Variants in SETD2 observed in about 807,000 individuals in gnomAD.
SETD2 encodes SET domain containing 2, histone lysine methyltransferase, also known as histone-lysine N-methyltransferase SETD2.
In SETD2, 31 loss-of-function variants were observed where a neutral mutation model predicts 242.1. The observed-to-expected ratio is 0.13, with a 90% CI of 0.10 to 0.17. The LOEUF is 0.17. SETD2 is among the 10% of genes least tolerant of loss of function. SETD2 has a pLI of 1.00. For synonymous variants in SETD2, 1,006 were observed against 1,066.5 expected, an observed-to-expected ratio of 0.94 and a Z score of 1.11; for missense variants, 2,481 against 3,046.3, an observed-to-expected ratio of 0.81 and a Z score of 4.37.
chr3:47,042,048 A>C (rs2039304040), intron 17 of SETD2, among the ~76,000 whole-genome samples: 1 of 152,202 alleles, frequency 6.6e-6, no homozygotes, highest in African/African-American at 2.4e-5. Flanking sequence ...GCTTTCTCCA[A>C]GAGTCTTGCA....
intron 8 of SETD2, among the ~76,000 whole-genome samples, chr3:47,101,122 A>G (rs556163531): frequency 2.4e-4 from 36 of 152,176 alleles, no homozygotes; most frequent in African/African-American, 7.9e-4. Flanking sequence ...TTAATGCTGA[A>G]TAACGGATAC....
intron 17 of SETD2, chr3:47,041,466 CAAAG>C (rs1056865760): frequency 1.2e-5 from 3 of 257,528 alleles, no homozygotes; most frequent in Admixed American, 5.4e-5. Flanking sequence ...GTCTGGGCAA[CAAAG>C]AAAGACTCTG....
chr3:47,034,834 C>T (rs2038929969), intron 18 of SETD2, among the ~76,000 whole-genome samples: 1 of 152,144 alleles, frequency 6.6e-6, no homozygotes, highest in Non-Finnish European at 1.5e-5. Context: ...GGCATTTGTG[C>T]TGAATAGGAA....
chr3:47,065,208 T>A (rs2040509553), intron 13 of SETD2, among the ~76,000 whole-genome samples: 1 of 152,128 alleles, frequency 6.6e-6, no homozygotes, highest in Non-Finnish European at 1.5e-5. Context: ...TAGGAAGAGT[T>A]ATTTGCAGCC....
intron 12 of SETD2, among the ~76,000 whole-genome samples, chr3:47,081,502 C>G (rs766973065): frequency 6.6e-6 from 1 of 152,192 alleles, no homozygotes; most frequent in Non-Finnish European, 1.5e-5. Context: ...TACTCGAACA[C>G]ATAGGTGGAA....
At chr3:47,141,866 ATT>A (rs558856503) in intron 1 of SETD2, among the ~76,000 whole-genome samples, 1 of 151,278 alleles carries the variant, frequency 6.6e-6, no homozygotes, top group East Asian at 1.9e-4. Context: ...GAGTTTAAGC[ATT>A]TTTTTTTCAT....
chr3:47,142,870 T>C (rs1211473913), intron 1 of SETD2, among the ~76,000 whole-genome samples: 1 of 152,178 alleles, frequency 6.6e-6, no homozygotes, highest in African/African-American at 2.4e-5. Flanking sequence ...GGTTTCACCA[T>C]GTTGGCCAGG....
At chr3:47,159,790 G>A (rs1697434326) in intron 1 of SETD2, among the ~76,000 whole-genome samples, 1 of 152,012 alleles carries the variant, frequency 6.6e-6, no homozygotes, top group Non-Finnish European at 1.5e-5. Context: ...GCGTGGCCAA[G>A]AAGGTGAAAC....
At chr3:47,029,724 T>C (rs1034773276) in intron 18 of SETD2, among the ~76,000 whole-genome samples, 1 of 152,192 alleles carries the variant, frequency 6.6e-6, no homozygotes, top group East Asian at 1.9e-4. Context: ...TGCTTAAGTA[T>C]GAGATACTTG....
chr3:47,085,703 A>G (rs567405338), intron 11 of SETD2, among the ~76,000 whole-genome samples: 59 of 152,350 alleles, frequency 3.9e-4, no homozygotes, highest in African/African-American at 1.3e-3. Flanking sequence ...ATTTCATAGA[A>G]AGGTAAAGAC....
intron 18 of SETD2, among the ~76,000 whole-genome samples, chr3:47,035,143 T>G (rs150181057): frequency 2.0e-4 from 30 of 152,312 alleles, no homozygotes; most frequent in African/African-American, 7.2e-4. Context: ...CTGCCAATTA[T>G]TTAGACTTGA....
rs551946540 is a variant in SETD2 at position 47,142,054 on chromosome 3, A to G, written c.72-15391T>C. 2.7e-4 allele frequency among the ~76,000 whole-genome samples: 41 copies of G among 152,310 alleles called. No homozygotes were observed. The South Asian group carries it at 7.9e-3, about 29-fold the overall frequency. On this transcript the variant is annotated intron_variant, in intron 1 of 20. Transcript: ENST00000409792. ...ATTACAATGCACTGAATGCACCACTATCCATCATTTCATACAGAAAAAGGT... is the reference window on the plus strand; with the variant it reads ...ATTACAATGCACTGAATGCACCACTGTCCATCATTTCATACAGAAAAAGGT...
intron 17 of SETD2, 144 bp downstream of exon 17, chr3:47,042,417 G>A: frequency 1.4e-6 from 1 of 717,606 alleles, no homozygotes; most frequent in Non-Finnish European, 2.4e-6. Context: ...ATACACTTAA[G>A]ATGTGATTCT....
chr3:47,069,685 GA>G (rs2040730969), intron 12 of SETD2, among the ~76,000 whole-genome samples: 1 of 152,168 alleles, frequency 6.6e-6, no homozygotes, highest in Non-Finnish European at 1.5e-5. Flanking sequence ...TGCCTTTAGA[GA>G]GGGGGTACAT....
chr3:47,149,356 C>T (rs977404107), intron 1 of SETD2, among the ~76,000 whole-genome samples: 16 of 151,794 alleles, frequency 1.1e-4, no homozygotes, highest in African/African-American at 3.9e-4. Context: ...TTTAAAATCA[C>T]ACTCATGGCA....
In SETD2 at chr3:47,057,072, A is replaced by C. The variant is rs758375586; in HGVS notation, c.6712T>G (p.Ser2238Ala). The change falls in exon 15 of 21, where the codon TCC becomes GCC. Residue 2238 changes from serine to alanine, a missense_variant. Transcript: ENST00000409792. ...HVAAPVEVSSSQYVAQSDGVV... is the reference protein window; with the variant it reads ...HVAAPVEVSSAQYVAQSDGVV... The stretch of plus-strand genomic sequence containing the variant: ...CCATCACTCTGGGCCACATACTGGG[A>C]ACTGGAAACTTCCACAGGAGCTGCC... 1.9e-6 allele frequency: 3 copies of C among 1,614,132 alleles called. No individual in the cohort carries two copies. The highest frequency in any genetic ancestry group is 2.5e-6 in the Non-Finnish European group (3 of 1,180,048).
intron 6 of SETD2, among the ~76,000 whole-genome samples, chr3:47,104,144 T>C (rs111540319): frequency 6.5e-4 from 99 of 151,832 alleles, no homozygotes; most frequent in Non-Finnish European, 1.1e-3. Context: ...GAGGCAGATA[T>C]ATGAGAATTG....
chr3:47,122,086 T>G lies in SETD2; in HGVS notation c.2550A>C (p.Glu850Asp), dbSNP rs1350898375. ...TGCTACCGATGCTCTGCTTATATTC[T>G]TCACATGCAAATTTTGAGTGATCTG... ...NLTDHSKFACEEYKQSIGSTS... is the reference protein window; with the variant it reads ...NLTDHSKFACDEYKQSIGSTS... The change falls in exon 3 of 21, where the codon GAA (glutamate) becomes GAC (aspartate). Residue 850 changes from glutamate (E) to aspartate (D), a missense_variant. Physicochemically the swap from Glu to Asp is conservative, Grantham distance 45. This residue lies in a region of SETD2 where 1,300 missense variants were observed against 1,259.2 expected (regional missense o/e 1.03). Coordinates refer to ENST00000409792, the MANE Select transcript of SETD2 (RefSeq NM_014159.7). The G allele has an allele frequency of 6.2e-7, 1 of 1,613,984 alleles. No individual in the cohort carries two copies.
intron 13 of SETD2, among the ~76,000 whole-genome samples, chr3:47,062,907 C>T (rs1180721190): frequency 2.6e-5 from 4 of 152,074 alleles, no homozygotes; most frequent in Non-Finnish European, 4.4e-5. Flanking sequence ...TGCACCACTG[C>T]AGTCCAGCCT....
Sources: allele counts gnomAD v4.1 joint callset (sites outside exome capture counted in the v4.1 genomes callset), GRCh38; gene constraint gnomAD v4.1.1; regional missense constraint gnomAD v4.1.1; transcripts MANE v1.5; gene names NCBI Gene and HGNC (gene_info 2026-07-23, HGNC 2026-07-21).